The following ERG variants were observed in gnomAD, a reference collection of about 807,000 sequenced individuals.
ERG encodes ETS transcription factor ERG, also known as transcriptional regulator ERG.
ERG carries 9 observed loss-of-function variants against 55.3 expected under a neutral mutation model. The observed-to-expected ratio is 0.16, with a 90% CI of 0.10 to 0.28. The LOEUF (loss-of-function observed/expected upper bound fraction) is 0.28. ERG is among the 10% of genes least tolerant of loss of function. The pLI is 1.00. For synonymous variants in ERG, 223 were observed against 237.3 expected (o/e 0.94, Z 0.55); for missense variants, 434 against 631.6 (o/e 0.69, Z 3.35).
intron 1 of ERG, among the ~76,000 whole-genome samples, chr21:38,660,976 C>G (rs894863260): frequency 6.6e-6 from 1 of 151,840 alleles, no homozygotes; most frequent in Non-Finnish European, 1.5e-5. Context: ...GTTTAGGACG[C>G]GGCTGGCGGC....
chr21:38,400,476 G>A (rs773305867), intron 6 of ERG, 98 bp downstream of exon 6: 6 of 956,262 alleles, frequency 6.3e-6, no homozygotes, highest in Admixed American at 1.7e-5. Flanking sequence ...TCAGCTCCGG[G>A]ATCAGCTCTC....
intron 2 of ERG, among the ~76,000 whole-genome samples, chr21:38,539,765 C>T (rs13049491): frequency 0.044 from 6,662 of 152,106 alleles, 171 homozygotes; most frequent in Middle Eastern, 0.13. Context: ...AGGGACTGAC[C>T]GTAAGCATAG....
intron 2 of ERG, among the ~76,000 whole-genome samples, chr21:38,427,778 G>A: frequency 6.6e-6 from 1 of 152,152 alleles, no homozygotes; most frequent in African/African-American, 2.4e-5. Context: ...CCCTGGGACT[G>A]TTCATTCCCT....
chr21:38,645,570 T>C (rs1037617812), intron 1 of ERG, among the ~76,000 whole-genome samples: 2 of 152,186 alleles, frequency 1.3e-5, no homozygotes, highest in African/African-American at 4.8e-5. Context: ...CGGCTTGGGC[T>C]CCAAATTCAA....
In ERG at chr21:38,381,119, C is replaced by T. The variant is rs1436892837; in HGVS notation, c.*2284G>A. On this transcript the variant is annotated 3_prime_UTR_variant, in exon 10 of 10. Transcript: ENST00000288319. ...ACGGGGTGTCAGGAGCATTGGTAATCGTGTCCTGCCGACTTCAAAGCCCAC... is the reference window on the plus strand; with the variant it reads ...ACGGGGTGTCAGGAGCATTGGTAATTGTGTCCTGCCGACTTCAAAGCCCAC... 4.7e-6 allele frequency: 5 copies of T among 1,064,638 alleles called. No homozygotes were observed. The highest frequency in any genetic ancestry group is 1.6e-5 in the African/African-American group (1 of 61,012). 65.9% of individuals were successfully genotyped at this position (1,064,638 alleles called of 1,614,324 possible).
At chr21:38,531,011 A>G (rs2059668655) in intron 2 of ERG, among the ~76,000 whole-genome samples, 3 of 152,200 alleles carry the variant, frequency 2.0e-5, no homozygotes, top group South Asian at 2.1e-4. Context: ...ACAGATATTG[A>G]TGATAAATCA....
intron 4 of ERG, 109 bp from the exon 5 acceptor site, chr21:38,402,746 G>GAAA (rs1988566817): frequency 1.3e-6 from 1 of 760,422 alleles, no homozygotes; most frequent in Non-Finnish European, 1.9e-6. Context: ...GAAAAAGAAA[G>GAAA]AAAGAAAACC....
chr21:38,601,955 C>T (rs1175712216), intron 1 of ERG, among the ~76,000 whole-genome samples: 2 of 152,070 alleles, frequency 1.3e-5, no homozygotes, highest in Non-Finnish European at 2.9e-5. Flanking sequence ...GATCTCAGCT[C>T]ACTGCAACCT....
chr21:38,616,815 T>C (rs1370068362), intron 1 of ERG, among the ~76,000 whole-genome samples: 2 of 152,160 alleles, frequency 1.3e-5, no homozygotes, highest in African/African-American at 4.8e-5. Flanking sequence ...TGCCCCTTCG[T>C]CCATGGGGCT....
At chr21:38,513,955 A>G (rs1417737300) in intron 2 of ERG, among the ~76,000 whole-genome samples, 1 of 152,122 alleles carries the variant, frequency 6.6e-6, no homozygotes, top group Non-Finnish European at 1.5e-5. Flanking sequence ...GGCTATTACT[A>G]CAGATGCTGT....
Position 38,550,464 on chromosome 21 carries a change from G to A in ERG, c.-41+25198C>T, listed in dbSNP as rs534074745. Among the ~76,000 whole-genome samples, 7 of 152,314 alleles carry A rather than the reference G, an allele frequency of 4.6e-5. No individual in the cohort carries two copies. The South Asian group carries it at 1.0e-3, about 23-fold the overall frequency. On this transcript the variant is annotated intron_variant, in intron 2 of 8. Coordinates refer to the ERG transcript ENST00000398897. ...TGGAAGGTGACTAGGTCATAAGGAT[G>A]GAGGTCTCATGAATTGCATTAGTAC... is the stretch of plus-strand genomic sequence containing the variant.
chr21:38,630,655 G>T (rs897076451), intron 1 of ERG, among the ~76,000 whole-genome samples: 1 of 152,238 alleles, frequency 6.6e-6, no homozygotes, highest in South Asian at 2.1e-4. Context: ...CATTGAGGAA[G>T]AAGAGACAAA....
At chr21:38,480,026 C>G (rs2059223032) in intron 1 of ERG, among the ~76,000 whole-genome samples, 1 of 152,080 alleles carries the variant, frequency 6.6e-6, no homozygotes, top group Non-Finnish European at 1.5e-5. Context: ...AAAAGAAGGG[C>G]TACCTACACA....
At chr21:38,611,319 A>T (rs528624121) in intron 1 of ERG, among the ~76,000 whole-genome samples, 1 of 152,226 alleles carries the variant, frequency 6.6e-6, no homozygotes, top group African/African-American at 2.4e-5. Flanking sequence ...ATCAGATCAC[A>T]TCACTCCCGC....
chr21:38,384,091 T>C (rs1987578051), intron 9 of ERG, among the ~76,000 whole-genome samples, 168 bp from the exon 10 acceptor site: 1 of 152,226 alleles, frequency 6.6e-6, no homozygotes, highest in Admixed American at 6.5e-5. Flanking sequence ...TCTCGTTCCA[T>C]GGCCACCCAC....
chr21:38,628,567 A>G (rs1291069021), intron 1 of ERG, among the ~76,000 whole-genome samples: 2 of 152,180 alleles, frequency 1.3e-5, no homozygotes, highest in African/African-American at 4.8e-5. Context: ...GCGTGGAGAA[A>G]AGAGAGAGCT....
At chr21:38,536,554 C>G (rs1032682262) in intron 2 of ERG, among the ~76,000 whole-genome samples, 1 of 152,166 alleles carries the variant, frequency 6.6e-6, no homozygotes. Flanking sequence ...ACAGCTGTAT[C>G]CACCACTAAA....
At position 38,655,612 on chromosome 21, in the gene ERG, C is replaced by T. The variant is rs990931818; in HGVS notation, c.-150+6046G>A. Among the ~76,000 whole-genome samples, 5 of 152,290 alleles carry T rather than the reference C, an allele frequency of 3.3e-5. No homozygotes were observed. In the South Asian group the frequency reaches 6.2e-4, roughly 19 times the overall value. On this transcript the variant is annotated intron_variant, in intron 1 of 10. Coordinates refer to the ERG transcript ENST00000398910. ...GTGTGTGAGGGGTGACATCTGACTA[C>T]GAACAACTAAAAAGAACCATTTAAT...
At chr21:38,498,860 G>A (rs372297483), upstream of ERG, among the ~76,000 whole-genome samples, 61 of 152,220 alleles carry the variant, frequency 4.0e-4, no homozygotes, top group African/African-American at 1.4e-3. This position sits in a 1 kb window ranked among gnomAD's most constrained non-coding sequence, Gnocchi z 4.6. Flanking sequence ...CCAATTCTTC[G>A]CAGAATTACT....
Sources: allele counts gnomAD v4.1 joint callset (sites outside exome capture counted in the v4.1 genomes callset), GRCh38; gene constraint gnomAD v4.1.1; non-coding constraint Gnocchi (gnomAD v3.1); transcripts MANE v1.5; gene names NCBI Gene and HGNC (gene_info 2026-07-23, HGNC 2026-07-21).